Variants in MID1 observed in about 807,000 individuals in gnomAD.
MID1 encodes the protein midline 1.
In MID1, 7 loss-of-function variants were observed where a neutral mutation model predicts 40.4. That is an observed-to-expected ratio of 0.17 (90% CI 0.10 to 0.33). The LOEUF is 0.33. Among genes scored for constraint, MID1 ranks in the 10% least tolerant of loss-of-function variants. The pLI is 1.00. For missense variants in MID1, 367 were observed against 558.5 expected (o/e 0.66, Z 3.46); for synonymous variants, 229 against 221.2 (o/e 1.04, Z -0.31).
intron 5 of MID1, among the ~76,000 whole-genome samples, chrX:10,481,803 G>A (rs1602283206): frequency 8.9e-6 from 1 of 112,409 alleles, no homozygotes; most frequent in Non-Finnish European, 1.9e-5. Flanking sequence ...GTGAAGATGA[G>A]CAATTTTTAT....
intron 3 of MID1, among the ~76,000 whole-genome samples, chrX:10,507,679 C>T (rs1389916860): frequency 8.9e-6 from 1 of 112,146 alleles, no homozygotes; most frequent in East Asian, 2.8e-4. Flanking sequence ...AGGAACTGGA[C>T]AGAAACCATC....
intron 1 of MID1, among the ~76,000 whole-genome samples, chrX:10,708,821 CATT>C (rs1311288660): frequency 8.9e-6 from 1 of 112,052 alleles, no homozygotes; most frequent in African/African-American, 3.2e-5. Flanking sequence ...CAGAGGAATA[CATT>C]ATTTGGTTAT....
chrX:10,510,701 G>GA (rs1216795705), intron 3 of MID1, among the ~76,000 whole-genome samples: 1 of 107,410 alleles, frequency 9.3e-6, no homozygotes, highest in African/African-American at 3.4e-5. Flanking sequence ...GCATGGTGGT[G>GA]CACACTTGTA....
At chrX:10,502,587 T>G (rs1315043993) in intron 3 of MID1, among the ~76,000 whole-genome samples, 1 of 111,810 alleles carries the variant, frequency 8.9e-6, no homozygotes, top group African/African-American at 3.3e-5. Flanking sequence ...CTCTTGAAAT[T>G]GCACCATCAA....
At chrX:10,615,526 T>C (rs896932612) in intron 1 of MID1, among the ~76,000 whole-genome samples, 3 of 111,998 alleles carry the variant, frequency 2.7e-5, no homozygotes, top group African/African-American at 9.7e-5. Context: ...AACCTCTCTT[T>C]CATAGCGCAA....
At chrX:10,509,875 G>A (rs894954128) in intron 3 of MID1, among the ~76,000 whole-genome samples, 2 of 111,961 alleles carry the variant, frequency 1.8e-5, no homozygotes, top group African/African-American at 6.5e-5. Flanking sequence ...CATGCTAAAC[G>A]CAGCATACTA....
chrX:10,467,495 T>C (rs1454725081), intron 7 of MID1, among the ~76,000 whole-genome samples: 2 of 112,110 alleles, frequency 1.8e-5, no homozygotes, highest in Non-Finnish European at 3.8e-5. Context: ...TGGAATTATC[T>C]TTTCCTTTCC....
intron 5 of MID1, among the ~76,000 whole-genome samples, chrX:10,477,089 A>AAGAT (rs1351387740): frequency 2.7e-5 from 3 of 112,341 alleles, no homozygotes; most frequent in Admixed American, 9.4e-5. Context: ...GAACCCTTAA[A>AAGAT]AGATATCGCA....
At chrX:10,576,366 C>A (rs1934871460) in intron 1 of MID1, among the ~76,000 whole-genome samples, 1 of 111,618 alleles carries the variant, frequency 9.0e-6, no homozygotes, top group African/African-American at 3.3e-5. Flanking sequence ...AATGAACATT[C>A]CTGAGAAGAA....
rs778434207 is a variant in MID1, at chrX:10,489,696, G to GTTTTT, written c.864+5883_864+5887dup. ...CTCCAACTTTGTTATTATTTTCAAA[G>GTTTTT]TTTTTTTTTTTTTTTTTGAGACAGA... On this transcript the variant is annotated intron_variant, in intron 4 of 9. Transcript: ENST00000317552. Among the ~76,000 whole-genome samples, 596 of 95,468 alleles carry GTTTTT rather than the reference G, an allele frequency of 6.2e-3. 15 individuals are homozygous for GTTTTT. The highest frequency in any genetic ancestry group is 0.021 in the African/African-American group (540 of 25,718). The allele number at this position is 95,468 out of a possible 115,157, so 82.9% of individuals were successfully genotyped here.
At chrX:10,549,388 C>T (rs1197472406) in intron 2 of MID1, among the ~76,000 whole-genome samples, 1 of 113,254 alleles carries the variant, frequency 8.8e-6, no homozygotes, top group East Asian at 2.8e-4. Flanking sequence ...TTTCTACTAA[C>T]CAACTGTGAG....
intron 3 of MID1, among the ~76,000 whole-genome samples, chrX:10,508,745 T>TA (rs932295026): frequency 2.7e-5 from 3 of 111,690 alleles, no homozygotes; most frequent in African/African-American, 9.8e-5. Flanking sequence ...ACATGCAGGG[T>TA]ACAGTGGGCA....
chrX:10,518,051 C>T (rs1932537815), intron 3 of MID1, among the ~76,000 whole-genome samples: 1 of 112,264 alleles, frequency 8.9e-6, no homozygotes, highest in South Asian at 3.7e-4. Flanking sequence ...TAGCAAGACA[C>T]TGTAACAAAT....
intron 1 of MID1, among the ~76,000 whole-genome samples, chrX:10,631,839 CT>C (rs892211673): frequency 4.5e-5 from 5 of 111,939 alleles, no homozygotes; most frequent in African/African-American, 1.3e-4. Flanking sequence ...AGCATGGAGA[CT>C]TTTTTTCTGT....
chrX:10,618,323 G>C (rs745728728), intron 1 of MID1, among the ~76,000 whole-genome samples: 2 of 112,077 alleles, frequency 1.8e-5, no homozygotes, highest in African/African-American at 6.5e-5. Context: ...CAACAGTCAG[G>C]TTTCCCCAAG....
intron 1 of MID1, among the ~76,000 whole-genome samples, chrX:10,577,974 T>C (rs1035396454): frequency 8.9e-6 from 1 of 111,850 alleles, no homozygotes; most frequent in Non-Finnish European, 1.9e-5. Context: ...ATCCAGACAT[T>C]TGGACTCCAC....
At chrX:10,509,678 A>G (rs1363874634) in intron 3 of MID1, among the ~76,000 whole-genome samples, 1 of 111,667 alleles carries the variant, frequency 9.0e-6, no homozygotes. Context: ...GTGGCTACTG[A>G]GGTTTGCTGT....
chrX:10,778,147 T>C (rs2043819523), intron 1 of MID1, among the ~76,000 whole-genome samples: 1 of 111,878 alleles, frequency 8.9e-6, no homozygotes, highest in Non-Finnish European at 1.9e-5. Flanking sequence ...TTATGTACTG[T>C]ACATAATTGT....
At position 10,565,002 on chromosome X, in the gene MID1, TAAAA is replaced by T. The variant is rs5901437; in HGVS notation, c.660+1882_660+1885del. On this transcript the variant is annotated intron_variant, in intron 2 of 9. Coordinates refer to ENST00000317552, the MANE Select transcript of MID1 (RefSeq NM_000381.4). ...GCTCCACCACCAACCAAAAAAGGGG[TAAAA>T]AAAAAAAAAAAAAAAAAGATTACCT... 3.7e-3 allele frequency among the ~76,000 whole-genome samples: 290 copies of T among 77,895 alleles called. 3 individuals are homozygous for T. The highest frequency in any genetic ancestry group is 0.012 in the African/African-American group (265 of 21,673). 67.6% of individuals were successfully genotyped at this position (77,895 alleles called of 115,157 possible).
Sources: gnomAD v4.1 joint callset for allele counts (sites outside exome capture counted in the v4.1 genomes callset) on GRCh38, gnomAD v4.1.1 for gene constraint, MANE v1.5 for transcripts, NCBI Gene and HGNC (gene_info 2026-07-23, HGNC 2026-07-21) for gene names.